Variants in CCDC7 observed in about 807,000 individuals in gnomAD.
The protein encoded by CCDC7 is coiled-coil domain-containing protein 7.
CCDC7 carries 183 observed loss-of-function variants against 196.9 expected under a neutral mutation model. The ratio of observed to expected loss-of-function variants is 0.93; its 90% confidence interval spans 0.82 to 1.05. The LOEUF is 1.05. Among genes scored for constraint, CCDC7 ranks in the 50% least tolerant of loss-of-function variants. The probability of loss-of-function intolerance (pLI) is 0.00; values close to 1 mark genes in which losing one functional copy is unlikely to be tolerated. For synonymous variants in CCDC7, 525 were observed against 484.6 expected (o/e 1.08, Z -1.10); for missense variants, 1,540 against 1,482.2 (o/e 1.04, Z -0.64).
chr10:32,688,978 T>A, intron 22 of CCDC7, 75 bp from the exon 24 acceptor site: 1 of 935,398 alleles, frequency 1.1e-6, no homozygotes, highest in Non-Finnish European at 1.7e-6. Flanking sequence ...CACTGCACAT[T>A]CGTAAATTTG....
At chr10:32,493,941 T>C (rs1385500240) in intron 9 of CCDC7, among the ~76,000 whole-genome samples, 1 of 152,174 alleles carries the variant, frequency 6.6e-6, no homozygotes, top group Non-Finnish European at 1.5e-5. Flanking sequence ...GATATTAAAC[T>C]CTTATCAGAT....
intron 13 of CCDC7, among the ~76,000 whole-genome samples, chr10:32,552,275 A>G (rs1004505034): frequency 6.6e-6 from 1 of 152,074 alleles, no homozygotes; most frequent in Non-Finnish European, 1.5e-5. Context: ...CATTTACTTT[A>G]AGTTTATGCG....
chr10:32,772,155 GTGGGTGTTGGGGAA>G (rs1378461346), intron 28 of CCDC7, among the ~76,000 whole-genome samples: 3 of 152,216 alleles, frequency 2.0e-5, no homozygotes, highest in Non-Finnish European at 4.4e-5. Flanking sequence ...AGCAACCCCT[GTGGGTGTTGGGGAA>G]TGGGAGTGGT....
At chr10:32,709,706 G>A (rs976162217) in intron 24 of CCDC7, among the ~76,000 whole-genome samples, 10 of 152,260 alleles carry the variant, frequency 6.6e-5, no homozygotes, top group Admixed American at 5.9e-4. Context: ...ACAGGCCAGA[G>A]ACCAGTACTG....
intron 13 of CCDC7, among the ~76,000 whole-genome samples, chr10:32,556,121 T>C (rs774100394): frequency 6.6e-6 from 1 of 152,208 alleles, no homozygotes; most frequent in Admixed American, 6.5e-5. Context: ...TACCTTTTTA[T>C]GGGAGCTATT....
chr10:32,656,185 C>T (rs528215033), intron 20 of CCDC7, among the ~76,000 whole-genome samples: 50 of 152,076 alleles, frequency 3.3e-4, no homozygotes, highest in Non-Finnish European at 3.5e-4. Context: ...TATGGCAGTT[C>T]CTCAAAAAAT....
intron 41 of CCDC7, among the ~76,000 whole-genome samples, chr10:32,860,384 T>G (rs2093934816): frequency 6.6e-6 from 1 of 152,056 alleles, no homozygotes; most frequent in Admixed American, 6.6e-5. Context: ...TAAAAACTCT[T>G]AATAAACTAG....
In CCDC7 at chr10:32,542,494, G is replaced by A. The variant is rs549726300; in HGVS notation, c.994-806G>A. Among the ~76,000 whole-genome samples, 7 of 151,966 alleles carry A rather than the reference G, an allele frequency of 4.6e-5. No homozygotes were observed. The East Asian group carries it at 7.7e-4, about 17-fold the overall frequency. ...CTAAAAATACAAAAATTAGCCGGGC[G>A]TGGTGGCGTGCCCCTGTAGTCCCAG... is the stretch of plus-strand genomic sequence containing the variant. On this transcript the variant is annotated intron_variant, in intron 11 of 41. Transcript: ENST00000639629.
At chr10:32,719,480 C>T (rs924368965) in intron 25 of CCDC7, among the ~76,000 whole-genome samples, 13 of 152,224 alleles carry the variant, frequency 8.5e-5, no homozygotes, top group South Asian at 6.2e-4. Context: ...GACTTCATGA[C>T]TAAACACCAA....
intron 18 of CCDC7, among the ~76,000 whole-genome samples, chr10:32,621,410 C>T (rs1032307630): frequency 1.3e-5 from 2 of 152,138 alleles, no homozygotes; most frequent in African/African-American, 4.8e-5. Flanking sequence ...TCTGCTGCCA[C>T]CACTGTATTA....
intron 29 of CCDC7, among the ~76,000 whole-genome samples, chr10:32,803,797 A>T (rs899464404): frequency 2.0e-5 from 3 of 151,878 alleles, no homozygotes; most frequent in African/African-American, 7.3e-5. Flanking sequence ...ATTGTTTTGT[A>T]TATTTTTTAT....
At chr10:32,628,552 A>G (rs1268617334) in intron 18 of CCDC7, among the ~76,000 whole-genome samples, 1 of 151,610 alleles carries the variant, frequency 6.6e-6, no homozygotes, top group Non-Finnish European at 1.5e-5. Flanking sequence ...ACTTTGGCTT[A>G]GTTTGTTCTT....
At chr10:32,846,243 G>A (rs1251021976) in intron 36 of CCDC7, 133 bp from the exon 38 acceptor site, 11 of 628,668 alleles carry the variant, frequency 1.7e-5, no homozygotes, top group Non-Finnish European at 2.8e-5. Context: ...TATTACATAG[G>A]TACCTATATC....
chr10:32,626,517 C>T (rs1036523108), intron 18 of CCDC7, among the ~76,000 whole-genome samples: 2 of 151,802 alleles, frequency 1.3e-5, no homozygotes, highest in African/African-American at 4.8e-5. Flanking sequence ...TAGGTTGTCT[C>T]TTCAAATTAT....
Position 32,712,289 on chromosome 10 carries a change from A to AT in CCDC7, c.2569+564dup, listed in dbSNP as rs374527085. 6.4e-3 allele frequency among the ~76,000 whole-genome samples: 972 copies of AT among 152,186 alleles called. 11 individuals are homozygous for AT. The highest frequency in any genetic ancestry group is 0.022 in the African/African-American group (923 of 41,506). ...AATGGTCCCATTTATTGCTCACATTATTTTTACTTTTCGAGTCAGAGCTGG... is the reference window on the plus strand; with the variant it reads ...AATGGTCCCATTTATTGCTCACATTATTTTTTACTTTTCGAGTCAGAGCTGG... On this transcript the variant is annotated intron_variant, in intron 25 of 41. Coordinates refer to ENST00000639629, the Ensembl canonical transcript of CCDC7.
chr10:32,581,021 T>C (rs914895679), intron 16 of CCDC7, among the ~76,000 whole-genome samples: 1 of 152,142 alleles, frequency 6.6e-6, no homozygotes. Context: ...CCCTTGTACA[T>C]CTATTTGCTT....
At chr10:32,455,568 C>G (rs1259723054) in intron 2 of CCDC7, among the ~76,000 whole-genome samples, 1 of 152,142 alleles carries the variant, frequency 6.6e-6, no homozygotes, top group African/African-American at 2.4e-5. Context: ...CCAACTGCCT[C>G]AGCCTCCCAA....
intron 20 of CCDC7, among the ~76,000 whole-genome samples, chr10:32,658,442 A>G (rs573456266): frequency 8.5e-6 from 1 of 117,862 alleles, no homozygotes; most frequent in East Asian, 3.0e-4. Flanking sequence ...AACCTCTTAT[A>G]AAACCATTCA....
intron 20 of CCDC7, among the ~76,000 whole-genome samples, chr10:32,644,174 T>TA (rs1481284675): frequency 1.3e-5 from 2 of 152,190 alleles, no homozygotes; most frequent in African/African-American, 4.8e-5. Flanking sequence ...TATATATCGC[T>TA]AGAAGAACTG....
Sources: allele counts gnomAD v4.1 joint callset (sites outside exome capture counted in the v4.1 genomes callset), GRCh38; gene constraint gnomAD v4.1.1; transcripts MANE v1.5; gene names NCBI Gene and HGNC (gene_info 2026-07-23, HGNC 2026-07-21).